PRLR: variants seen among roughly 807,000 people sequenced by gnomAD.
The protein encoded by PRLR is prolactin receptor, also known as hPRL receptor.
PRLR carries 13 observed loss-of-function variants against 40.2 expected under a neutral mutation model. That is an observed-to-expected ratio of 0.32 (90% CI 0.21 to 0.51). PRLR has a LOEUF of 0.51. PRLR is among the 20% of genes least tolerant of loss of function. The probability of loss-of-function intolerance (pLI) is 0.97; values close to 1 mark genes in which losing one functional copy is unlikely to be tolerated. For synonymous variants in PRLR, 269 were observed against 278.7 expected, an observed-to-expected ratio of 0.97 and a Z score of 0.35; for missense variants, 656 against 747.3, an observed-to-expected ratio of 0.88 and a Z score of 1.42.
At chr5:35,185,476 G>C (rs957511303) in intron 1 of PRLR, among the ~76,000 whole-genome samples, 3 of 151,920 alleles carry the variant, frequency 2.0e-5, no homozygotes, top group Admixed American at 6.6e-5. Context: ...TCTAGGCTTG[G>C]GCCTTTTCTA....
chr5:35,143,068 C>T (rs1022163926), intron 1 of PRLR, among the ~76,000 whole-genome samples: 4 of 152,060 alleles, frequency 2.6e-5, no homozygotes, highest in Admixed American at 2.0e-4. Context: ...TATGAACTTA[C>T]AAGTCTAAAA....
At chr5:35,139,248 C>T (rs545121422) in intron 1 of PRLR, among the ~76,000 whole-genome samples, 7 of 152,296 alleles carry the variant, frequency 4.6e-5, no homozygotes, top group African/African-American at 1.7e-4. Flanking sequence ...GATTCTCCTG[C>T]CTCAGCCTCC....
At chr5:35,049,131 G>T in exon 9 of PRLR, 1 of 696,342 alleles carries the variant, frequency 1.4e-6, no homozygotes, top group Non-Finnish European at 2.6e-6. Context: ...AGTAGGGAGT[G>T]ATCATATGAG....
chr5:35,113,369 C>T (rs1204455510), intron 2 of PRLR, among the ~76,000 whole-genome samples: 10 of 149,812 alleles, frequency 6.7e-5, no homozygotes, highest in Admixed American at 4.7e-4. Flanking sequence ...ATCAACCTAC[C>T]CACCCATTTA....
At chr5:35,124,945 A>G (rs1773408163) in intron 1 of PRLR, among the ~76,000 whole-genome samples, 1 of 152,236 alleles carries the variant, frequency 6.6e-6, no homozygotes, top group African/African-American at 2.4e-5. Context: ...GCTTTGTAAC[A>G]GTGAAACACT....
chr5:35,160,208 G>C (rs954774006), intron 1 of PRLR, among the ~76,000 whole-genome samples: 8 of 152,216 alleles, frequency 5.3e-5, no homozygotes, highest in African/African-American at 1.9e-4. Context: ...GAAATATTCT[G>C]TGACATGTCA....
chr5:35,061,672 T>C lies in PRLR; in HGVS notation c.*3417A>G, dbSNP rs1196474480. 6.6e-6 allele frequency: 1 copy of C among 152,230 alleles called. No homozygotes were observed. The highest frequency in any genetic ancestry group is 2.4e-5 in the African/African-American group (1 of 41,458). 9.4% of individuals were successfully genotyped at this position (152,230 alleles called of 1,614,324 possible). ...ACATCTGTTAGAATGAATTGGAACA[T>C]CTTGCTGTTCAGGTTGTAAGCTACA... On this transcript the variant is annotated 3_prime_UTR_variant, in exon 10 of 10. Transcript: ENST00000618457.
At chr5:35,126,563 G>A (rs950579490) in intron 1 of PRLR, among the ~76,000 whole-genome samples, 8 of 152,136 alleles carry the variant, frequency 5.3e-5, no homozygotes, top group Non-Finnish European at 1.2e-4. Context: ...AGGCAGCATG[G>A]TTCACTGGAT....
intron 1 of PRLR, among the ~76,000 whole-genome samples, chr5:35,118,659 G>T (rs1035385698): frequency 2.4e-4 from 37 of 152,218 alleles, no homozygotes; most frequent in African/African-American, 8.7e-4. Context: ...AGACTTTAAT[G>T]AAATTTCTTA....
intron 1 of PRLR, among the ~76,000 whole-genome samples, chr5:35,145,063 T>C (rs528031206): frequency 6.6e-6 from 1 of 152,324 alleles, no homozygotes; most frequent in East Asian, 1.9e-4. Flanking sequence ...TGATAAAATA[T>C]CAGCCCTGTC....
At chr5:35,200,829 T>TA (rs1196480145) in intron 1 of PRLR, among the ~76,000 whole-genome samples, 1 of 152,162 alleles carries the variant, frequency 6.6e-6, no homozygotes, top group African/African-American at 2.4e-5. Flanking sequence ...TCCAACAGTT[T>TA]AAAGAGTTAA....
At chr5:35,206,332 A>C (rs1294082621) in intron 1 of PRLR, among the ~76,000 whole-genome samples, 1 of 152,132 alleles carries the variant, frequency 6.6e-6, no homozygotes. Flanking sequence ...TAAAATTAAA[A>C]AGTAAAAAAA....
At chr5:35,050,281 A>G (rs1768450821) in intron 8 of PRLR, among the ~76,000 whole-genome samples, 1 of 152,244 alleles carries the variant, frequency 6.6e-6, no homozygotes, top group Non-Finnish European at 1.5e-5. Context: ...AACTGGGATG[A>G]AGAGGAAACT....
chr5:35,183,539 G>A (rs982164194), intron 1 of PRLR, among the ~76,000 whole-genome samples: 3 of 152,210 alleles, frequency 2.0e-5, no homozygotes, highest in Admixed American at 2.0e-4. Flanking sequence ...GGGCCAGAGA[G>A]TGTGGCATGA....
At chr5:35,225,098 G>A (rs772889891) in intron 1 of PRLR, among the ~76,000 whole-genome samples, 6 of 152,084 alleles carry the variant, frequency 3.9e-5, no homozygotes, top group African/African-American at 4.8e-5. Flanking sequence ...TTGTCTCCTC[G>A]TCTGATTTTA....
chr5:35,099,896 G>C (rs977531037), intron 2 of PRLR, among the ~76,000 whole-genome samples: 2 of 152,120 alleles, frequency 1.3e-5, no homozygotes, highest in African/African-American at 4.8e-5. Context: ...AATAGTCAAG[G>C]CCAGGCACGG....
At chr5:35,150,363 C>T (rs148871273) in intron 1 of PRLR, among the ~76,000 whole-genome samples, 8 of 152,102 alleles carry the variant, frequency 5.3e-5, no homozygotes, top group Non-Finnish European at 1.0e-4. Flanking sequence ...GTTTTTGTTG[C>T]GGTCATTGTT....
At chr5:35,126,090 T>A (rs1467561134) in intron 1 of PRLR, among the ~76,000 whole-genome samples, 1 of 152,246 alleles carries the variant, frequency 6.6e-6, no homozygotes, top group Non-Finnish European at 1.5e-5. Context: ...ACTGTGCTTC[T>A]GTTTACTCAT....
At position 35,168,416 on chromosome 5, in the gene PRLR, G is replaced by T. The variant is rs78007206; in HGVS notation, c.-105-50294C>A. 4.1e-3 allele frequency among the ~76,000 whole-genome samples: 626 copies of T among 151,944 alleles called. 5 individuals are homozygous for T. The highest frequency in any genetic ancestry group is 5.8e-3 in the Non-Finnish European group (391 of 67,914). ...ACTGTAGAATGTATGTTCCTTTTAA[G>T]TACTCATGGAATATTCACCAAGGCC... is the stretch of plus-strand genomic sequence containing the variant. On this transcript the variant is annotated intron_variant, in intron 1 of 9. Coordinates refer to ENST00000618457, the MANE Select transcript of PRLR (RefSeq NM_000949.7).
Sources: gnomAD v4.1 joint callset for allele counts (sites outside exome capture counted in the v4.1 genomes callset) on GRCh38, gnomAD v4.1.1 for gene constraint, MANE v1.5 for transcripts, NCBI Gene and HGNC (gene_info 2026-07-23, HGNC 2026-07-21) for gene names.